NBPF20: variants seen among roughly 807,000 people sequenced by gnomAD.
NBPF20 encodes NBPF member 20, also known as NBPF family member NBPF20.
NBPF20 carries 90 observed loss-of-function variants against 68.1 expected under a neutral mutation model. The ratio of observed to expected loss-of-function variants is 1.32; its 90% CI spans 1.11 to 1.58. The LOEUF is 1.58. Ranked by LOEUF, NBPF20 falls within the 40% of genes most tolerant of loss-of-function variation. The probability of loss-of-function intolerance (pLI) is 0.00; values close to 1 mark genes in which losing one functional copy is unlikely to be tolerated. For missense variants in NBPF20, 816 were observed against 601.2 expected, an observed-to-expected ratio of 1.36 and a Z score of -3.74; for synonymous variants, 290 against 228.1, an observed-to-expected ratio of 1.27 and a Z score of -2.45.
rs1195769236 is a variant in NBPF20, at chr1:145,396,754, G to GTA, written c.828-1615_828-1614dup. ...TTCCTTTATTATTTTTTGTGTGTAT[G>GTA]TATATATATATATATATACAGATAT... On this transcript the variant is annotated intron_variant, in intron 7 of 137. Transcript: ENST00000369373. 2.5e-3 allele frequency among the ~76,000 whole-genome samples: 357 copies of GTA among 142,588 alleles called. 1 individual carries two copies. The highest frequency in any genetic ancestry group is 4.0e-3 in the South Asian group (18 of 4,462). The allele number at this position is 142,588 out of a possible 152,430, so 93.5% of individuals were successfully genotyped here. A position where few individuals can be genotyped will look rare whatever the true frequency, so the allele number is the denominator to read the frequency against.
intron 2 of NBPF20, 76 bp downstream of exon 7, chr1:145,405,019 TTGA>T: frequency 6.2e-7 from 1 of 1,601,154 alleles, no homozygotes; most frequent in South Asian, 1.1e-5. Flanking sequence ...GAAATTATTT[TTGA>T]TGGAGAGAGC....
chr1:145,372,512 T>G lies in NBPF20; in HGVS notation c.4369A>C (p.Arg1457=). Residue 1457 remains arginine (R), a splice_region_variant and synonymous_variant, in exon 36 of 138, where the codon AGA becomes CGA. Coordinates refer to ENST00000369373, the Ensembl canonical transcript of NBPF20. The stretch of plus-strand genomic sequence containing the variant: ...ATCACCTTCACAGTAAGATACTCAC[T>G]GTCCACGTCAAGAGCCAAGCCAAGG... 5.8e-6 allele frequency: 3 copies of G among 516,412 alleles called. 1 individual carries two copies. Among genetic ancestry groups the G allele is most frequent in the South Asian group, 1.9e-5 (1 of 53,984 alleles). 32.0% of individuals were successfully genotyped at this position (516,412 alleles called of 1,614,324 possible).
chr1:145,393,164 A>T (rs1394184041), exon 10 of NBPF20: 1 of 608,632 alleles, frequency 1.6e-6, no homozygotes, highest in Non-Finnish European at 2.9e-6. Flanking sequence ...AGTTCAAGAC[A>T]ACCTGAAGGA....
chr1:145,402,439 T>C (rs1422919012), intron 3 of NBPF20, 58 bp from the exon 9 acceptor site: 4 of 1,583,248 alleles, frequency 2.5e-6, no homozygotes, highest in Non-Finnish European at 2.6e-6. Flanking sequence ...TCCGCTCAAA[T>C]ATTGCAACAG....
chr1:145,402,407 T>G lies in NBPF20; in HGVS notation c.279-26A>C. On this transcript the variant is annotated intron_variant, in intron 3 of 137. Coordinates refer to ENST00000369373, the Ensembl canonical transcript of NBPF20. ...CTAAGGTGAGACGGTAGAGAAAATT[T>G]AAGAGTGGAAAGGTTCAGTGATCCG... 1.9e-6 allele frequency: 3 copies of G among 1,603,724 alleles called. No individual in the cohort carries two copies. In the South Asian group the frequency reaches 3.3e-5, roughly 18 times the overall value.
chr1:145,403,336 C>A lies in NBPF20; in HGVS notation c.176-18G>T. On this transcript the variant is annotated intron_variant, in intron 2 of 137. Coordinates refer to ENST00000369373, the Ensembl canonical transcript of NBPF20. ...TTCATATTCTGAGAAAAGACAGACA[C>A]GCCTGCCTCAGTGGAAGGCTGGACA... 3 of 1,585,816 alleles carry A rather than the reference C, an allele frequency of 1.9e-6. No individual in the cohort carries two copies. Among genetic ancestry groups the A allele is most frequent in the Non-Finnish European group, 2.6e-6 (3 of 1,157,100 alleles).
intron 137 of NBPF20, 84 bp downstream of exon 142, chr1:145,292,297 A>G (rs1661171234): frequency 8.1e-6 from 5 of 614,214 alleles, no homozygotes; most frequent in Non-Finnish European, 1.4e-5. Flanking sequence ...TGAAAACATG[A>G]CATCAAACAC....
At chr1:145,410,593 G>A in the NBPF20 span, among the ~76,000 whole-genome samples, 6 of 151,042 alleles carry the variant, frequency 4.0e-5, no homozygotes, top group East Asian at 1.9e-4. Flanking sequence ...GATTACAGGC[G>A]TGAGCCACCG....
chr1:145,291,202 G>C (rs1337449386), exon 138 of NBPF20: 8 of 487,518 alleles, frequency 1.6e-5, no homozygotes, highest in Admixed American at 3.3e-5. Context: ...AGCAGGTATA[G>C]AAGCTCAGAG....
the NBPF20 span, among the ~76,000 whole-genome samples, chr1:145,411,486 G>A: frequency 9.3e-6 from 1 of 107,514 alleles, no homozygotes; most frequent in Non-Finnish European, 1.9e-5. Context: ...CTGCCTCCCA[G>A]GTTCAAGTGA....
intron 7 of NBPF20, among the ~76,000 whole-genome samples, chr1:145,396,651 C>A: frequency 6.6e-6 from 1 of 151,562 alleles, no homozygotes; most frequent in East Asian, 1.9e-4. Flanking sequence ...AGCAGCAGAT[C>A]TCTTGGCACA....
Position 145,404,851 on chromosome 1 carries a change from G to A in NBPF20, c.175+247C>T, listed in dbSNP as rs1456811897. ...CCTCTTGGAGAAAACAGGTCGTTCT[G>A]TGCCTGTGTTAGAAATCAATAAATG... On this transcript the variant is annotated intron_variant, in intron 2 of 137. Coordinates refer to ENST00000369373, the Ensembl canonical transcript of NBPF20. 2.7e-5 allele frequency among the ~76,000 whole-genome samples: 4 copies of A among 150,490 alleles called. No homozygotes were observed. The East Asian group carries it at 7.7e-4, about 29-fold the overall frequency.
upstream of NBPF20, chr1:145,407,682 T>TCCGCCTCCC (rs1662863765): frequency 6.6e-6 from 1 of 151,872 alleles, no homozygotes; most frequent in South Asian, 2.0e-4. Flanking sequence ...CATCGAGCTC[T>TCCGCCTCCC]CCGCCTCCCC....
chr1:145,292,258 A>C, intron 137 of NBPF20, 123 bp downstream of exon 142: 1 of 619,778 alleles, frequency 1.6e-6, no homozygotes, highest in Non-Finnish European at 2.8e-6. Flanking sequence ...AACCAACAGC[A>C]ATGACAGTAG....
At chr1:145,291,088 A>T in exon 138 of NBPF20, 1 of 261,168 alleles carries the variant, frequency 3.8e-6, no homozygotes, top group Non-Finnish European at 7.3e-6. Context: ...CAGATGGATC[A>T]GCTAAAACAA....
exon 36 of NBPF20, chr1:145,372,593 G>C: frequency 3.7e-6 from 1 of 267,004 alleles, no homozygotes; most frequent in Non-Finnish European, 6.3e-6. Flanking sequence ...AAGTCAGGCA[G>C]TTCAAGATAA....
In NBPF20 at chr1:145,401,102, G is replaced by A. The variant is rs1662502151; in HGVS notation, c.523C>T (p.Gln175Ter). 6.2e-7 allele frequency: 1 copy of A among 1,607,658 alleles called. No individual in the cohort carries two copies. The highest frequency in any genetic ancestry group is 1.3e-5 in the African/African-American group (1 of 74,804). Residue 175 changes from glutamine to a stop codon, truncating the protein, a stop_gained, in exon 5 of 138, where the codon CAA becomes TAA. Transcript: ENST00000369373. LOFTEE classifies it high-confidence loss of function. ...TGCACTTTCTCAGCCAACTCAACTT[G>A]AACATCTTCATCGTCATCGTTGTCA...
At chr1:145,419,023 G>T in the NBPF20 span, among the ~76,000 whole-genome samples, 24 of 138,470 alleles carry the variant, frequency 1.7e-4, no homozygotes, top group African/African-American at 5.1e-4. Flanking sequence ...CAAAGAAAAA[G>T]AAAAGAAGAA....
At chr1:145,412,564 T>A in the NBPF20 span, among the ~76,000 whole-genome samples, 1 of 151,948 alleles carries the variant, frequency 6.6e-6, no homozygotes, top group Non-Finnish European at 1.5e-5. Flanking sequence ...AGAATGCCCA[T>A]AAAATTATTA....
Sources: allele counts gnomAD v4.1 joint callset (sites outside exome capture counted in the v4.1 genomes callset), GRCh38; gene constraint gnomAD v4.1.1; transcripts MANE v1.5; gene names NCBI Gene and HGNC (gene_info 2026-07-23, HGNC 2026-07-21).